The following IL1RAPL2 variants were observed in gnomAD, a reference collection of about 807,000 sequenced individuals.
IL1RAPL2 encodes interleukin 1 receptor accessory protein like 2, also known as X-linked interleukin-1 receptor accessory protein-like 2.
In IL1RAPL2, 3 loss-of-function variants were observed where a neutral mutation model predicts 44.1. The observed-to-expected ratio is 0.07, with a 90% CI of 0.03 to 0.18. The LOEUF (loss-of-function observed/expected upper bound fraction) is 0.18. Among genes scored for constraint, IL1RAPL2 ranks in the 10% least tolerant of loss-of-function variants. The pLI is 1.00. For missense variants in IL1RAPL2, 391 were observed against 496.4 expected (o/e 0.79, Z 2.02); for synonymous variants, 181 against 178.8 (o/e 1.01, Z -0.10).
At chrX:104,845,008 C>G (rs1036980750) in intron 2 of IL1RAPL2, among the ~76,000 whole-genome samples, 1 of 111,844 alleles carries the variant, frequency 8.9e-6, no homozygotes, top group African/African-American at 3.2e-5. Context: ...AACTCTGAGA[C>G]TTTTTCAGCC....
chrX:105,183,121 C>G (rs113726963), intron 2 of IL1RAPL2, among the ~76,000 whole-genome samples: 5 of 111,386 alleles, frequency 4.5e-5, no homozygotes, highest in African/African-American at 1.6e-4. Flanking sequence ...CAGTGGTGCA[C>G]ATGGGCACAG....
chrX:105,290,542 G>A (rs2034604946), intron 5 of IL1RAPL2, among the ~76,000 whole-genome samples: 1 of 111,774 alleles, frequency 8.9e-6, no homozygotes, highest in Non-Finnish European at 1.9e-5. Context: ...TTATCAAGTG[G>A]ACAAGTTGAA....
chrX:105,488,611 C>G (rs1270771652), intron 6 of IL1RAPL2, among the ~76,000 whole-genome samples: 1 of 112,234 alleles, frequency 8.9e-6, no homozygotes, highest in African/African-American at 3.2e-5. Flanking sequence ...ATCAGTTTAT[C>G]TAGAGCATTA....
chrX:104,694,747 G>A (rs950286204), intron 2 of IL1RAPL2, among the ~76,000 whole-genome samples: 1 of 111,655 alleles, frequency 9.0e-6, no homozygotes, highest in Admixed American at 9.6e-5. Context: ...AGGTAAGGTT[G>A]ATCAACTGAG....
chrX:104,623,437 T>C (rs766794883), intron 1 of IL1RAPL2, among the ~76,000 whole-genome samples: 10 of 111,337 alleles, frequency 9.0e-5, no homozygotes, highest in East Asian at 2.9e-4. Context: ...GAGTCGATTG[T>C]GTACATTTCT....
chrX:105,316,247 C>G (rs778324512), intron 5 of IL1RAPL2, among the ~76,000 whole-genome samples: 1 of 110,926 alleles, frequency 9.0e-6, no homozygotes, highest in African/African-American at 3.3e-5. Flanking sequence ...GAACTCCAGC[C>G]TGGGTGACAG....
chrX:104,882,717 G>A (rs746647727), intron 2 of IL1RAPL2, among the ~76,000 whole-genome samples: 2 of 111,814 alleles, frequency 1.8e-5, no homozygotes, highest in Non-Finnish European at 3.8e-5. Flanking sequence ...GCCAGCAGTG[G>A]CAACCTGCTT....
intron 2 of IL1RAPL2, among the ~76,000 whole-genome samples, chrX:104,759,906 A>G (rs1440437295): frequency 9.0e-6 from 1 of 111,394 alleles, no homozygotes; most frequent in Non-Finnish European, 1.9e-5. Flanking sequence ...CAATCTTTCT[A>G]ACTTTTTTTG....
At chrX:104,639,413 C>A (rs1266241027) in intron 1 of IL1RAPL2, among the ~76,000 whole-genome samples, 1 of 111,839 alleles carries the variant, frequency 8.9e-6, no homozygotes, top group East Asian at 2.8e-4. Context: ...AAGCTTCATT[C>A]TTTTATATTC....
chrX:105,305,630 G>A (rs1016579185), intron 5 of IL1RAPL2, among the ~76,000 whole-genome samples: 1 of 110,957 alleles, frequency 9.0e-6, no homozygotes, highest in African/African-American at 3.3e-5. Context: ...CTCCTGAAGG[G>A]GAATTCTTCC....
intron 6 of IL1RAPL2, among the ~76,000 whole-genome samples, chrX:105,643,879 C>T (rs2037585867): frequency 9.0e-6 from 1 of 110,685 alleles, no homozygotes; most frequent in African/African-American, 3.3e-5. Flanking sequence ...TTAAAGCAAG[C>T]TTTTTTTTCT....
chrX:104,908,422 G>A lies in IL1RAPL2; in HGVS notation c.82+249427G>A, dbSNP rs1253117604. Among the ~76,000 whole-genome samples, 18 of 111,711 alleles carry A rather than the reference G, an allele frequency of 1.6e-4. 1 individual carries two copies. Among genetic ancestry groups the A allele is most frequent in the Admixed American group, 2.8e-4 (3 of 10,527 alleles). On this transcript the variant is annotated intron_variant, in intron 2 of 10. Coordinates refer to ENST00000372582, the MANE Select transcript of IL1RAPL2 (RefSeq NM_017416.2). The stretch of plus-strand genomic sequence containing the variant: ...CTCTATGGTCTTTACATTTTGGCGT[G>A]ATTTTGCAGTGGCTGGTACCGGTTG...
At chrX:105,455,041 T>A (rs952060219) in intron 5 of IL1RAPL2, among the ~76,000 whole-genome samples, 3 of 111,858 alleles carry the variant, frequency 2.7e-5, no homozygotes, top group African/African-American at 9.8e-5. Flanking sequence ...CTACTCATAC[T>A]TTAAGATACA....
chrX:105,438,424 A>G (rs1228537708), intron 5 of IL1RAPL2, among the ~76,000 whole-genome samples: 1 of 111,417 alleles, frequency 9.0e-6, no homozygotes, highest in African/African-American at 3.3e-5. Context: ...GAAGGAGGTA[A>G]AAGACCAAAC....
At chrX:105,037,479 G>A (rs1046158080) in intron 2 of IL1RAPL2, among the ~76,000 whole-genome samples, 3 of 110,859 alleles carry the variant, frequency 2.7e-5, no homozygotes, top group African/African-American at 9.8e-5. Flanking sequence ...GCAGAAGGGC[G>A]GGGAAGCAAT....
chrX:105,116,084 C>T (rs1206268420), intron 2 of IL1RAPL2, among the ~76,000 whole-genome samples: 1 of 93,054 alleles, frequency 1.1e-5, no homozygotes, highest in African/African-American at 4.0e-5. Flanking sequence ...CCGCCTGCGC[C>T]TCTCCCTTCA....
At chrX:105,328,171 T>C (rs1338331261) in intron 5 of IL1RAPL2, among the ~76,000 whole-genome samples, 1 of 112,017 alleles carries the variant, frequency 8.9e-6, no homozygotes, top group African/African-American at 3.2e-5. Flanking sequence ...GTAATCTAGA[T>C]AGTATATCTG....
rs147979356 is a variant in IL1RAPL2, at chrX:104,850,933, G to T, written c.82+191938G>T. On this transcript the variant is annotated intron_variant, in intron 2 of 10. Transcript: ENST00000372582. ...ATGGTTTGCCTACCAGTTGAAAAAT[G>T]TGTATGAGAATAGACTATAAATTTT... Among the ~76,000 whole-genome samples the T allele has an allele frequency of 6.3e-3, 697 of 111,261 alleles. 3 individuals carry two copies. Among genetic ancestry groups the T allele is most frequent in the African/African-American group, 0.022 (663 of 30,680 alleles).
chrX:105,614,318 TAGAAA>T (rs1011138547), intron 6 of IL1RAPL2, among the ~76,000 whole-genome samples: 2 of 111,731 alleles, frequency 1.8e-5, no homozygotes, highest in African/African-American at 6.5e-5. Flanking sequence ...TTCACAGAAA[TAGAAA>T]AGAAAATTAT....
Sources: allele counts gnomAD v4.1 joint callset (sites outside exome capture counted in the v4.1 genomes callset), GRCh38; gene constraint gnomAD v4.1.1; transcripts MANE v1.5; gene names NCBI Gene and HGNC (gene_info 2026-07-23, HGNC 2026-07-21).